Variants in BAZ2B observed in about 807,000 individuals in gnomAD.
The protein encoded by BAZ2B is bromodomain adjacent to zinc finger domain 2B.
A neutral mutation model predicts 246.0 loss-of-function variants in BAZ2B; 91 were observed. That is an observed-to-expected ratio of 0.37 (90% CI 0.31 to 0.44). The LOEUF is 0.44. BAZ2B is among the 20% of genes least tolerant of loss of function. The pLI, the probability that BAZ2B is intolerant of heterozygous loss-of-function variation, is 1.00. For missense variants in BAZ2B, 2,332 were observed against 2,533.7 expected, an observed-to-expected ratio of 0.92 and a Z score of 1.71; for synonymous variants, 855 against 860.0, an observed-to-expected ratio of 0.99 and a Z score of 0.10.
At chr2:159,605,910 T>A (rs993468998) in intron 1 of BAZ2B, among the ~76,000 whole-genome samples, 1 of 152,228 alleles carries the variant, frequency 6.6e-6, no homozygotes, top group African/African-American at 2.4e-5. Context: ...ACAGGCTTCC[T>A]GCAGCGGGAA....
intron 3 of BAZ2B, among the ~76,000 whole-genome samples, 160 bp downstream of exon 3, chr2:159,478,415 C>CGT (rs1011425536): frequency 6.6e-6 from 1 of 152,044 alleles, no homozygotes; most frequent in African/African-American, 2.4e-5. Flanking sequence ...GCTATCCCAG[C>CGT]GTAAAATCCT....
intron 27 of BAZ2B, among the ~76,000 whole-genome samples, chr2:159,365,249 A>C (rs959745742): frequency 1.3e-5 from 2 of 152,156 alleles, no homozygotes; most frequent in African/African-American, 4.8e-5. Context: ...CGGGCAGTAT[A>C]GAATGCTGGA....
the BAZ2B span, among the ~76,000 whole-genome samples, chr2:159,659,581 A>C: frequency 6.6e-6 from 1 of 152,118 alleles, no homozygotes; most frequent in Non-Finnish European, 1.5e-5. Context: ...TTTATTCTCC[A>C]CTTCTGAGTA....
chr2:159,412,650 TACA>T lies in BAZ2B; in HGVS notation c.2467-108_2467-106del, dbSNP rs2067001627. The T allele has an allele frequency of 3.9e-5, 42 of 1,070,238 alleles. 2 individuals are homozygous for T. In the South Asian group the frequency reaches 6.5e-4, roughly 17 times the overall value. The allele number at this position is 1,070,238 out of a possible 1,614,324, so 66.3% of individuals were successfully genotyped here. ...TAAAAATCACATATATTTTGGAATT[TACA>T]ACATTAGTATAAGCTTTAGGAATTT... On this transcript the variant is annotated intron_variant, in intron 13 of 36. Coordinates refer to ENST00000392783, the MANE Select transcript of BAZ2B (RefSeq NM_013450.4).
intron 33 of BAZ2B, among the ~76,000 whole-genome samples, chr2:159,334,461 G>C (rs1029157261): frequency 1.3e-5 from 2 of 152,152 alleles, no homozygotes; most frequent in African/African-American, 4.8e-5. Context: ...TTGTCCAAAA[G>C]GGTATTTCTA....
chr2:159,629,429 G>A, the BAZ2B span, among the ~76,000 whole-genome samples: 5 of 152,148 alleles, frequency 3.3e-5, no homozygotes, highest in African/African-American at 4.8e-5. Flanking sequence ...CGACCCAAAT[G>A]CCCATCAATG....
the BAZ2B span, among the ~76,000 whole-genome samples, chr2:159,634,499 T>G: frequency 6.6e-6 from 1 of 152,226 alleles, no homozygotes; most frequent in Non-Finnish European, 1.5e-5. Context: ...ATAATTGTGC[T>G]TTCATATTAT....
At chr2:159,553,103 G>C (rs1028397071) in intron 2 of BAZ2B, among the ~76,000 whole-genome samples, 5 of 152,062 alleles carry the variant, frequency 3.3e-5, no homozygotes. Context: ...TAGAAAATAT[G>C]CTGAAGACAG....
chr2:159,430,897 T>G lies in BAZ2B; in HGVS notation c.2160A>C (p.Thr720=). 1.2e-6 allele frequency: 2 copies of G among 1,613,888 alleles called. No homozygotes were observed. The highest frequency in any genetic ancestry group is 1.7e-6 in the Non-Finnish European group (2 of 1,179,836). ...SESQSPAFLG[T]SSSTLTSSPH... Reference sequence around the variant, plus strand: ...GGCTTGAAGTAAGTGTGGAAGAAGATGTACCAAGAAAAGCAGGTGACTGGG... The same window carrying G: ...GGCTTGAAGTAAGTGTGGAAGAAGAGGTACCAAGAAAAGCAGGTGACTGGG... The change falls in exon 10 of 37, where the codon ACA becomes ACC. Residue 720 remains threonine, a synonymous_variant. Coordinates refer to ENST00000392783, the MANE Select transcript of BAZ2B (RefSeq NM_013450.4).
At chr2:159,576,904 C>T (rs1685457571) in intron 1 of BAZ2B, among the ~76,000 whole-genome samples, 1 of 96,446 alleles carries the variant, frequency 1.0e-5, no homozygotes, top group South Asian at 4.1e-4. Context: ...CAGAGTGAGA[C>T]TGTGTCTCAA....
At chr2:159,593,357 G>A (rs1689845718) in intron 1 of BAZ2B, among the ~76,000 whole-genome samples, 1 of 152,044 alleles carries the variant, frequency 6.6e-6, no homozygotes, top group Admixed American at 6.6e-5. Context: ...TTCCTGCGAG[G>A]AAAAATTATG....
intron 36 of BAZ2B, among the ~76,000 whole-genome samples, chr2:159,320,844 A>T (rs2062634293): frequency 6.6e-6 from 1 of 152,194 alleles, no homozygotes; most frequent in African/African-American, 2.4e-5. Context: ...AATGCTCCCC[A>T]TGCAATGATA....
rs1426546428 is a variant in BAZ2B at position 159,383,610 on chromosome 2, G to A, written c.3757C>T (p.Arg1253Cys). The A allele has an allele frequency of 1.2e-6, 2 of 1,609,418 alleles. No homozygotes were observed. Among genetic ancestry groups the A allele is most frequent in the African/African-American group, 1.3e-5 (1 of 74,730 alleles). ...CTTTAATAAAACAGGACTTACTTGC[G>A]GAGTTTACCTTCTACCACCCATTTA... ...RDKWVVEGKL[R>C]KLRIIHAKKT... The change falls in exon 24 of 37, where the codon CGC (arginine) becomes TGC (cysteine). Residue 1253 changes from arginine to cysteine, a missense_variant. Around this residue, in one of 9 missense-constraint regions of BAZ2B, gnomAD observed 328 missense variants for 410.4 expected, o/e 0.80. Coordinates refer to ENST00000392783, the MANE Select transcript of BAZ2B (RefSeq NM_013450.4).
chr2:159,701,429 G>A, the BAZ2B span, among the ~76,000 whole-genome samples: 1 of 151,406 alleles, frequency 6.6e-6, no homozygotes, highest in Non-Finnish European at 1.5e-5. Flanking sequence ...AAGCATTGAG[G>A]ATCTGTATCA....
intron 25 of BAZ2B, among the ~76,000 whole-genome samples, chr2:159,379,519 A>G (rs1166334060): frequency 6.6e-6 from 1 of 152,226 alleles, no homozygotes; most frequent in Admixed American, 6.5e-5. Flanking sequence ...AACAAAAAAG[A>G]AAAGTTCATT....
At chr2:159,535,138 T>G (rs2085816476) in intron 2 of BAZ2B, among the ~76,000 whole-genome samples, 1 of 152,238 alleles carries the variant, frequency 6.6e-6, no homozygotes, top group Non-Finnish European at 1.5e-5. Context: ...AAGTGCTACA[T>G]ATGTTCCAGT....
At chr2:159,570,761 C>T (rs142030501) in intron 1 of BAZ2B, among the ~76,000 whole-genome samples, 1 of 152,320 alleles carries the variant, frequency 6.6e-6, no homozygotes, top group East Asian at 1.9e-4. Flanking sequence ...CATAGCACTC[C>T]CTGCAGGTTG....
intron 3 of BAZ2B, among the ~76,000 whole-genome samples, chr2:159,466,980 G>A (rs536652655): frequency 5.9e-5 from 9 of 152,256 alleles, no homozygotes; most frequent in Admixed American, 2.6e-4. Flanking sequence ...CAGTCAAGGG[G>A]ACACATCAAA....
In BAZ2B at chr2:159,587,227, T is replaced by C. The variant is rs556636934; in HGVS notation, c.-46+29015A>G. Among the ~76,000 whole-genome samples, 35 of 152,098 alleles carry C rather than the reference T, an allele frequency of 2.3e-4. No individual in the cohort carries two copies. In the East Asian group the frequency reaches 2.3e-3, roughly 10 times the overall value. On this transcript the variant is annotated intron_variant, in intron 1 of 36. Transcript: ENST00000392783. The stretch of plus-strand genomic sequence containing the variant: ...CTGAGTAGCTGGGACTACAGGCGCC[T>C]GCCACCACGCCTGGCTAATTTTTTT...
Sources: gnomAD v4.1 joint callset for allele counts (sites outside exome capture counted in the v4.1 genomes callset) on GRCh38, gnomAD v4.1.1 for gene constraint, gnomAD v4.1.1 regional missense constraint, MANE v1.5 for transcripts, NCBI Gene and HGNC (gene_info 2026-07-23, HGNC 2026-07-21) for gene names.